The following EFCAB6 variants were observed in gnomAD, a reference collection of about 807,000 sequenced individuals.
The protein encoded by EFCAB6 is EF-hand calcium binding domain 6.
A neutral mutation model predicts 169.8 loss-of-function variants in EFCAB6; 156 were observed. That is an observed-to-expected ratio of 0.92 (90% confidence interval 0.81 to 1.05). The LOEUF is 1.05. Ranked by LOEUF, EFCAB6 falls within the 50% of genes least tolerant of loss-of-function variation. The pLI is 0.00. For missense variants in EFCAB6, 1,800 were observed against 1,829.1 expected (o/e 0.98, Z 0.29); for synonymous variants, 698 against 676.4 (o/e 1.03, Z -0.50).
Position 43,789,847 on chromosome 22 carries a change from T to TCACACACACACACA in EFCAB6, c.-7-7536_-7-7523dup, listed in dbSNP as rs34752280. On this transcript the variant is annotated intron_variant, in intron 2 of 31. Coordinates refer to ENST00000262726, the MANE Select transcript of EFCAB6 (RefSeq NM_022785.4). ...CTGAGGCTCCTAAGTTGGCTAACCT[T>TCACACACACACACA]CACACACACACACACACACACACAC... Among the ~76,000 whole-genome samples, 1,170 of 143,362 alleles carry TCACACACACACACA rather than the reference T, an allele frequency of 8.2e-3. 10 individuals are homozygous for TCACACACACACACA. The highest frequency in any genetic ancestry group is 0.024 in the South Asian group (104 of 4,310). The allele number at this position is 143,362 out of a possible 152,430, so 94.1% of individuals were successfully genotyped here.
At chr22:43,775,972 C>T (rs1356023457) in intron 3 of EFCAB6, among the ~76,000 whole-genome samples, 1 of 152,242 alleles carries the variant, frequency 6.6e-6, no homozygotes, top group Admixed American at 6.5e-5. Context: ...GACAAGCTGA[C>T]CTGCCCAAAC....
chr22:43,804,896 G>A (rs2062861815), intron 2 of EFCAB6, among the ~76,000 whole-genome samples: 1 of 152,014 alleles, frequency 6.6e-6, no homozygotes, highest in Non-Finnish European at 1.5e-5. Context: ...GAAAAAAAGA[G>A]AGAAGACCCA....
chr22:43,763,624 T>G (rs975402212), intron 5 of EFCAB6, among the ~76,000 whole-genome samples: 16 of 152,154 alleles, frequency 1.1e-4, no homozygotes, highest in African/African-American at 3.9e-4. Context: ...TTAATCCCCT[T>G]AGGAAGGTCA....
Position 43,672,016 on chromosome 22 carries a change from T to G in EFCAB6, c.1597A>C (p.Met533Leu). 6.2e-7 allele frequency: 1 copy of G among 1,614,176 alleles called. No individual in the cohort carries two copies. The highest frequency in any genetic ancestry group is 1.3e-5 in the African/African-American group (1 of 75,064). Reference protein sequence around the residue: ...RIGRNNFKKIMHVFCPFLTNA... With the variant: ...RIGRNNFKKILHVFCPFLTNA... ...GTTAAAAATGGACAGAAGACGTGCA[T>G]GATTTTCTTGAAATTATTTCGGCCA... Residue 533 changes from methionine to leucine, a missense_variant, in exon 15 of 32, where the codon ATG becomes CTG. Transcript: ENST00000262726.
At chr22:43,594,275 C>CAAAAAAAAAAAAAAAAAA (rs750560174) in intron 23 of EFCAB6, among the ~76,000 whole-genome samples, 1 of 81,494 alleles carries the variant, frequency 1.2e-5, no homozygotes, top group Non-Finnish European at 2.4e-5. Context: ...AACTCTGTTT[C>CAAAAAAAAAAAAAAAAAA]AAAAAAAAAA....
At chr22:43,675,343 ACT>A (rs2057688346) in intron 13 of EFCAB6, among the ~76,000 whole-genome samples, 3 of 53,966 alleles carry the variant, frequency 5.6e-5, no homozygotes, top group East Asian at 1.4e-3. Context: ...AATATAATAT[ACT>A]ATATTATACT....
Position 43,600,285 on chromosome 22 carries a change from G to A in EFCAB6, c.2682-22C>T, listed in dbSNP as rs372029849. On this transcript the variant is annotated intron_variant, in intron 22 of 31. Transcript: ENST00000262726. ...GTATCTTAAAACAAAAACAAAAACA[G>A]AAAGCACTTCTCAGTAGCCAGTAAG... The A allele has an allele frequency of 1.0e-4, 164 of 1,611,698 alleles. 1 individual carries two copies. Among genetic ancestry groups the A allele is most frequent in the Middle Eastern group, 1.6e-4 (1 of 6,070 alleles).
chr22:43,671,722 T>C (rs1399600210), intron 15 of EFCAB6, among the ~76,000 whole-genome samples: 2 of 152,198 alleles, frequency 1.3e-5, no homozygotes, highest in East Asian at 3.8e-4. Context: ...ATTTAACTTC[T>C]CCAGACCTCT....
At chr22:43,697,985 C>T (rs577965398) in intron 10 of EFCAB6, among the ~76,000 whole-genome samples, 3 of 152,258 alleles carry the variant, frequency 2.0e-5, no homozygotes, top group East Asian at 1.9e-4. Flanking sequence ...GGTCTTTTGC[C>T]CAGGTCATAG....
intron 7 of EFCAB6, among the ~76,000 whole-genome samples, chr22:43,735,595 G>A (rs2060105119): frequency 1.3e-5 from 2 of 152,200 alleles, no homozygotes; most frequent in Admixed American, 1.3e-4. Context: ...CAATAACCTG[G>A]ATGTGTTCAG....
Position 43,571,914 on chromosome 22 carries a change from C to G in EFCAB6, c.3420+4383G>C, listed in dbSNP as rs1028753874. ...ATTTGCTCAAGGATTTACTCGTCCT[C>G]CTGGTAAATGCATGCTTTTCCGATT... On this transcript the variant is annotated intron_variant, in intron 26 of 31. Transcript: ENST00000262726. Among the ~76,000 whole-genome samples, 6 of 152,202 alleles carry G rather than the reference C, an allele frequency of 3.9e-5. No homozygotes were observed. In the South Asian group the frequency reaches 6.2e-4, roughly 16 times the overall value.
At chr22:43,783,254 A>G (rs5764294) in intron 2 of EFCAB6, among the ~76,000 whole-genome samples, 36,645 of 151,934 alleles carry the variant, frequency 0.24, 5,266 homozygotes, top group East Asian at 0.61. Context: ...CGGGGCAAAT[A>G]ATAGGCAACC....
chr22:43,660,922 C>G (rs1279063849), intron 17 of EFCAB6, among the ~76,000 whole-genome samples: 1 of 152,136 alleles, frequency 6.6e-6, no homozygotes, highest in East Asian at 1.9e-4. Context: ...TTTAAACCAC[C>G]GTTTTGTGGG....
intron 17 of EFCAB6, among the ~76,000 whole-genome samples, chr22:43,648,632 T>C (rs2056307526): frequency 6.6e-6 from 1 of 152,098 alleles, no homozygotes; most frequent in Non-Finnish European, 1.5e-5. Context: ...GGTGGCGGGA[T>C]TATTCATGCC....
chr22:43,539,354 A>G (rs1157413447), intron 28 of EFCAB6, among the ~76,000 whole-genome samples: 1 of 152,200 alleles, frequency 6.6e-6, no homozygotes, highest in Non-Finnish European at 1.5e-5. Flanking sequence ...TTACCCCTAA[A>G]AGAACACAAA....
intron 20 of EFCAB6, among the ~76,000 whole-genome samples, chr22:43,620,825 G>A (rs2054066355): frequency 6.6e-6 from 1 of 152,092 alleles, no homozygotes; most frequent in East Asian, 1.9e-4. Flanking sequence ...AGAATAAGGA[G>A]ATAGAAAATA....
At chr22:43,631,989 T>A in intron 19 of EFCAB6, 116 bp downstream of exon 19, 1 of 1,421,124 alleles carries the variant, frequency 7.0e-7, no homozygotes, top group Non-Finnish European at 9.4e-7. Flanking sequence ...GGAAATGCTC[T>A]GTGTCCCTTG....
At chr22:43,604,792 C>T (rs1602557076) in intron 22 of EFCAB6, among the ~76,000 whole-genome samples, 1 of 152,066 alleles carries the variant, frequency 6.6e-6, no homozygotes, top group African/African-American at 2.4e-5. Flanking sequence ...ATATAACTCA[C>T]CTGCCATATC....
intron 10 of EFCAB6, among the ~76,000 whole-genome samples, chr22:43,704,880 G>T (rs2147308497): frequency 6.6e-6 from 1 of 152,108 alleles, no homozygotes; most frequent in Admixed American, 6.5e-5. Context: ...TTAACAAAAT[G>T]GTAGTAATAA....
Sources: allele counts gnomAD v4.1 joint callset (sites outside exome capture counted in the v4.1 genomes callset), GRCh38; gene constraint gnomAD v4.1.1; transcripts MANE v1.5; gene names NCBI Gene and HGNC (gene_info 2026-07-23, HGNC 2026-07-21).